Variants in MDGA2 observed in about 807,000 individuals in gnomAD.
The protein encoded by MDGA2 is MAM domain containing glycosylphosphatidylinositol anchor 2.
A neutral mutation model predicts 117.8 loss-of-function variants in MDGA2; 40 were observed. The observed-to-expected ratio is 0.34, with a 90% CI of 0.26 to 0.44. The LOEUF is 0.44. Among genes scored for constraint, MDGA2 ranks in the 20% least tolerant of loss-of-function variants. The probability of loss-of-function intolerance (pLI) is 1.00; values close to 1 mark genes in which losing one functional copy is unlikely to be tolerated. For missense variants in MDGA2, 1,123 were observed against 1,250.6 expected (o/e 0.90, Z 1.54); for synonymous variants, 452 against 439.0 (o/e 1.03, Z -0.37).
At chr14:47,081,209 TAAAAA>T (rs1026648108) in intron 6 of MDGA2, among the ~76,000 whole-genome samples, 1 of 151,000 alleles carries the variant, frequency 6.6e-6, no homozygotes, top group African/African-American at 2.4e-5. Context: ...CTTTCTCAAT[TAAAAA>T]AAAAGTTGTA....
chr14:46,868,041 G>T (rs1881847464), intron 14 of MDGA2, among the ~76,000 whole-genome samples: 1 of 151,800 alleles, frequency 6.6e-6, no homozygotes, highest in African/African-American at 2.4e-5. Flanking sequence ...AGAAGCAAAA[G>T]AATCTAGTTT....
At chr14:47,147,183 A>C (rs1291155816) in intron 3 of MDGA2, among the ~76,000 whole-genome samples, 1 of 150,736 alleles carries the variant, frequency 6.6e-6, no homozygotes, top group East Asian at 1.9e-4. Flanking sequence ...ATATATAATA[A>C]TATATAATGT....
chr14:46,981,627 A>G (rs1195425151), intron 8 of MDGA2, among the ~76,000 whole-genome samples: 1 of 152,172 alleles, frequency 6.6e-6, no homozygotes, highest in African/African-American at 2.4e-5. Flanking sequence ...AGGTGTGAAA[A>G]GAGTGATATA....
In MDGA2 at chr14:47,489,517, T is replaced by C. The variant is rs145756604; in HGVS notation, c.280+185000A>G. On this transcript the variant is annotated intron_variant, in intron 1 of 16. Transcript: ENST00000399232. ...CTCCCCATTTATTTGGGGGAGATCA[T>C]AGTGGTCTGTGAAATGCATAAACCA... 8.1e-3 allele frequency among the ~76,000 whole-genome samples: 1,231 copies of C among 152,146 alleles called. 12 individuals are homozygous for C. The highest frequency in any genetic ancestry group is 0.028 in the African/African-American group (1,151 of 41,542).
At chr14:46,924,856 C>T (rs1181814756) in intron 9 of MDGA2, among the ~76,000 whole-genome samples, 2 of 151,982 alleles carry the variant, frequency 1.3e-5, no homozygotes, top group African/African-American at 4.8e-5. Context: ...GATCAAAAAA[C>T]ACTGCTGAAA....
rs563193065 is a variant in MDGA2 at position 47,549,492 on chromosome 14, C to T, written c.280+125025G>A. Among the ~76,000 whole-genome samples the T allele has an allele frequency of 2.0e-5, 3 of 152,154 alleles. No homozygotes were observed. In the East Asian group the frequency reaches 5.8e-4, roughly 29 times the overall value. On this transcript the variant is annotated intron_variant, in intron 1 of 16. Coordinates refer to ENST00000399232, the MANE Select transcript of MDGA2 (RefSeq NM_001113498.3). ...GTCTTCATCATTCTTTACTATCAGA[C>T]TTTTCCTTTGGCTCTTATACTCTTA...
chr14:47,434,953 T>C (rs1415326169), intron 1 of MDGA2, among the ~76,000 whole-genome samples: 5 of 151,990 alleles, frequency 3.3e-5, no homozygotes, highest in African/African-American at 7.2e-5. Flanking sequence ...CTGACCAACA[T>C]GGGGAAAACC....
intron 1 of MDGA2, among the ~76,000 whole-genome samples, chr14:47,395,314 A>G (rs776136796): frequency 2.0e-5 from 3 of 152,186 alleles, no homozygotes; most frequent in Non-Finnish European, 4.4e-5. Context: ...AGTTTTGAAA[A>G]TAAGTTCACA....
intron 3 of MDGA2, among the ~76,000 whole-genome samples, chr14:47,171,822 G>T (rs543040466): frequency 6.6e-6 from 1 of 152,146 alleles, no homozygotes; most frequent in Admixed American, 6.5e-5. Context: ...CACACCATGC[G>T]CGAGCTGAAG....
At chr14:47,486,420 G>C (rs1156535389) in intron 1 of MDGA2, among the ~76,000 whole-genome samples, 1 of 152,180 alleles carries the variant, frequency 6.6e-6, no homozygotes, top group African/African-American at 2.4e-5. Context: ...GTCATAGGTG[G>C]AAGGGACTTG....
chr14:47,005,903 T>A (rs1003819253), intron 8 of MDGA2, among the ~76,000 whole-genome samples: 2 of 151,608 alleles, frequency 1.3e-5, no homozygotes, highest in African/African-American at 2.4e-5. Flanking sequence ...ATTGTTAAAA[T>A]TTTTTTAAAA....
At position 47,600,358 on chromosome 14, in the gene MDGA2, C is replaced by T. The variant is rs553988858; in HGVS notation, c.280+74159G>A. ...CTGAGGCATGAGAAACACTTGAATC[C>T]GGGAGACAGAGTTTGCAGTCAGCGG... On this transcript the variant is annotated intron_variant, in intron 1 of 16. Coordinates refer to ENST00000399232, the MANE Select transcript of MDGA2 (RefSeq NM_001113498.3). Among the ~76,000 whole-genome samples, 6 of 151,958 alleles carry T rather than the reference C, an allele frequency of 3.9e-5. No homozygotes were observed. The East Asian group carries it at 9.7e-4, about 25-fold the overall frequency.
At chr14:46,955,208 ATAAG>A (rs1885515982) in intron 9 of MDGA2, among the ~76,000 whole-genome samples, 1 of 152,020 alleles carries the variant, frequency 6.6e-6, no homozygotes, top group Admixed American at 6.6e-5. Flanking sequence ...ATATTAATAT[ATAAG>A]TAATATAGAT....
intron 1 of MDGA2, among the ~76,000 whole-genome samples, chr14:47,665,568 C>T (rs1897930593): frequency 6.6e-6 from 1 of 152,168 alleles, no homozygotes; most frequent in African/African-American, 2.4e-5. Flanking sequence ...GCGCTGGGCA[C>T]TTGTGGGCCA....
chr14:47,281,321 AT>A (rs1888481759), intron 2 of MDGA2, among the ~76,000 whole-genome samples: 1 of 151,994 alleles, frequency 6.6e-6, no homozygotes, highest in South Asian at 2.1e-4. Context: ...CTATTAGGTG[AT>A]TTGCCTTATA....
At chr14:47,002,247 A>G (rs1160968405) in intron 8 of MDGA2, among the ~76,000 whole-genome samples, 1 of 152,124 alleles carries the variant, frequency 6.6e-6, no homozygotes, top group African/African-American at 2.4e-5. Flanking sequence ...AAAGAATAAG[A>G]AGGCTTAAAT....
chr14:47,234,912 C>T (rs1253979788), intron 2 of MDGA2, among the ~76,000 whole-genome samples: 3 of 152,082 alleles, frequency 2.0e-5, no homozygotes, highest in Non-Finnish European at 1.5e-5. Context: ...ATTTACAAAG[C>T]TGGCTTGTCT....
intron 1 of MDGA2, among the ~76,000 whole-genome samples, chr14:47,459,410 CTT>C (rs5808399): frequency 2.4e-4 from 35 of 147,132 alleles, no homozygotes; most frequent in East Asian, 1.0e-3. Flanking sequence ...ATTAGTTTCA[CTT>C]TTTTTTTTTT....
intron 3 of MDGA2, among the ~76,000 whole-genome samples, chr14:47,198,551 G>A (rs912420651): frequency 6.6e-6 from 1 of 152,012 alleles, no homozygotes; most frequent in Non-Finnish European, 1.5e-5. Flanking sequence ...CAGCCTGGGC[G>A]ACAGAGCGAG....
Sources: allele counts gnomAD v4.1 joint callset (sites outside exome capture counted in the v4.1 genomes callset), GRCh38; gene constraint gnomAD v4.1.1; transcripts MANE v1.5; gene names NCBI Gene and HGNC (gene_info 2026-07-23, HGNC 2026-07-21).